Variants in GGT7 observed in about 807,000 individuals in gnomAD.
GGT7 encodes gamma-glutamyltransferase 7, also known as glutathione hydrolase 7.
In GGT7, 30 loss-of-function variants were observed where a neutral mutation model predicts 69.2. The ratio of observed to expected loss-of-function variants is 0.43; its 90% CI spans 0.32 to 0.59. GGT7 has a LOEUF of 0.59. Among genes scored for constraint, GGT7 ranks in the 20% least tolerant of loss-of-function variants. GGT7 has a pLI of 0.05. For missense variants in GGT7, 733 were observed against 901.1 expected (o/e 0.81, Z 2.39); for synonymous variants, 388 against 391.8 (o/e 0.99, Z 0.12).
At chr20:34,861,757 T>C (rs78741118) in intron 3 of GGT7, among the ~76,000 whole-genome samples, 195 bp from the exon 4 acceptor site, 2,624 of 152,034 alleles carry the variant, frequency 0.017, 90 homozygotes, top group African/African-American at 0.06. Flanking sequence ...ACCAAGAGGG[T>C]TGGAGACCCA....
chr20:34,861,661 T>C (rs1485688294), intron 3 of GGT7, 99 bp from the exon 4 acceptor site: 2 of 691,990 alleles, frequency 2.9e-6, no homozygotes, highest in Admixed American at 3.1e-5. Flanking sequence ...AGCTGTAGGC[T>C]CAGTTTTTCA....
chr20:34,854,544 C>T lies in GGT7; in HGVS notation c.1306G>A (p.Asp436Asn), dbSNP rs757565614. ...CCCAAGACCCACCTGAGCATGTCAT[C>T]CATGCTCTCAGTGATGGTAGAATCA... ...VYDSTITESM[D>N]DMLSKVEAAY... Residue 436 changes from aspartate (D) to asparagine (N), a missense_variant, in exon 10 of 15, where the codon GAT becomes AAT. Coordinates refer to ENST00000336431, the MANE Select transcript of GGT7 (RefSeq NM_178026.3). The T allele has an allele frequency of 6.2e-7, 1 of 1,600,782 alleles. No homozygotes were observed. Among genetic ancestry groups the T allele is most frequent in the Non-Finnish European group, 8.6e-7 (1 of 1,168,042 alleles).
chr20:34,850,992 A>G (rs1437800455), intron 13 of GGT7: 2 of 675,180 alleles, frequency 3.0e-6, no homozygotes, highest in African/African-American at 3.6e-5. Context: ...TTTTCAATCT[A>G]CTGACCCTGC....
intron 14 of GGT7, among the ~76,000 whole-genome samples, chr20:34,848,028 G>A (rs2079326802): frequency 6.6e-6 from 1 of 152,222 alleles, no homozygotes; most frequent in African/African-American, 2.4e-5. Context: ...AGGAGGTGGA[G>A]GTTGAAGTGA....
chr20:34,848,665 G>C (rs2079337439), intron 14 of GGT7, among the ~76,000 whole-genome samples: 1 of 152,252 alleles, frequency 6.6e-6, no homozygotes, highest in Non-Finnish European at 1.5e-5. Flanking sequence ...GAGATATCAA[G>C]AGCTGTGCAG....
At chr20:34,853,541 G>A (rs1601223666) in intron 10 of GGT7, among the ~76,000 whole-genome samples, 1 of 142,754 alleles carries the variant, frequency 7.0e-6, no homozygotes. Flanking sequence ...CAGCCTGGGC[G>A]ACAGAGCGAG....
At chr20:34,850,850 G>A (rs773248341) in intron 13 of GGT7, 2 of 554,014 alleles carry the variant, frequency 3.6e-6, no homozygotes, top group South Asian at 2.8e-5. Context: ...ATTCTGAGGT[G>A]TTCTGGAGAA....
intron 10 of GGT7, 51 bp from the exon 11 acceptor site, chr20:34,852,589 C>A (rs769963878): frequency 6.7e-7 from 1 of 1,498,664 alleles, no homozygotes; most frequent in South Asian, 1.3e-5. Context: ...CTCAATACAC[C>A]CCACCTACCT....
In GGT7 at chr20:34,856,824, C is replaced by T; in HGVS notation, c.1084G>A (p.Val362Met). 6.2e-7 allele frequency: 1 copy of T among 1,608,630 alleles called. No individual in the cohort carries two copies. The highest frequency in any genetic ancestry group is 8.5e-7 in the Non-Finnish European group (1 of 1,175,564). The change falls in exon 8 of 15, where the codon GTG (valine) becomes ATG (methionine). Residue 362 changes from valine (V) to methionine (M), a missense_variant. Coordinates refer to ENST00000336431, the MANE Select transcript of GGT7 (RefSeq NM_178026.3). ...AGGTCACCTCTGTACACGCCACACA[C>T]AGGCTTCTCCACAAGGGCGCTGTAA... ...SNYSALVEKP[V>M]CGVYRGHLVL...
Position 34,852,196 on chromosome 20 carries a change from A to C in GGT7, c.1546T>G (p.Ser516Ala). 6.2e-7 allele frequency: 1 copy of C among 1,613,880 alleles called. No homozygotes were observed. Among genetic ancestry groups the C allele is most frequent in the South Asian group, 1.1e-5 (1 of 91,072 alleles). ...TGGTTAGCTGTCCGGTTGGGCCAGG[A>C]GAAGTCCAGCATCTGGCTGTTGAGC... ...ILLNSQMLDF[S>A]WPNRTANHSA... The change falls in exon 12 of 15, where the codon TCC becomes GCC. Residue 516 changes from serine (S) to alanine (A), a missense_variant. Coordinates refer to ENST00000336431, the MANE Select transcript of GGT7 (RefSeq NM_178026.3).
chr20:34,854,684 C>T (rs763548280), intron 9 of GGT7, 65 bp from the exon 10 acceptor site: 46 of 1,579,680 alleles, frequency 2.9e-5, no homozygotes, highest in Non-Finnish European at 3.8e-5. Flanking sequence ...ACCCAGTGGA[C>T]TTTCGTGTGT....
intron 1 of GGT7, among the ~76,000 whole-genome samples, chr20:34,866,199 T>G (rs1029653153): frequency 2.6e-5 from 4 of 152,222 alleles, no homozygotes; most frequent in African/African-American, 9.6e-5. Context: ...AAGTTACTCT[T>G]GGGAAAGGAT....
At position 34,845,921 on chromosome 20, in the gene GGT7, G is replaced by A. The variant is rs138724435; in HGVS notation, c.1826-430C>T. The stretch of plus-strand genomic sequence containing the variant: ...CAGAAAATTTAAAAATTAGCTGAGC[G>A]TGGTGGTACATGCCTGTAGTCCCAG... On this transcript the variant is annotated intron_variant, in intron 14 of 14. Transcript: ENST00000336431. Among the ~76,000 whole-genome samples, 734 of 152,152 alleles carry A rather than the reference G, an allele frequency of 4.8e-3. 2 individuals carry two copies. Among genetic ancestry groups the A allele is most frequent in the South Asian group, 0.012 (59 of 4,812 alleles).
In GGT7 at chr20:34,849,969, T is replaced by C. The variant is rs1432442003; in HGVS notation, c.1817A>G (p.Gln606Arg). 1.2e-6 allele frequency: 2 copies of C among 1,605,256 alleles called. No individual in the cohort carries two copies. Among genetic ancestry groups the C allele is most frequent in the Admixed American group, 3.3e-5 (2 of 59,994 alleles). Residue 606 changes from glutamine to arginine, a missense_variant, in exon 14 of 15, where the codon CAG becomes CGG. By Grantham distance (43) the Gln-to-Arg change is conservative (BLOSUM62 1). Coordinates refer to ENST00000336431, the MANE Select transcript of GGT7 (RefSeq NM_178026.3). ...LHPDLQSNLLQVDSEFTEEEI... is the reference protein window; with the variant it reads ...LHPDLQSNLLRVDSEFTEEEI... Reference sequence around the variant, plus strand: ...CTCTGCTCTGCACTCACTGTCCACCTGCAGGAGGTTGGACTGCAGGTCCGG... The same window carrying C: ...CTCTGCTCTGCACTCACTGTCCACCCGCAGGAGGTTGGACTGCAGGTCCGG...
intron 8 of GGT7, among the ~76,000 whole-genome samples, chr20:34,855,777 C>CT (rs546145245): frequency 7.7e-4 from 66 of 85,870 alleles, no homozygotes; most frequent in African/African-American, 3.5e-3. Context: ...TACGCTTGTT[C>CT]TTTTTTCTTT....
chr20:34,845,118 C>CCACCACCACCACCACCAT lies in GGT7; in HGVS notation c.*209_*210insATGGTGGTGGTGGTGGTG. On this transcript the variant is annotated 3_prime_UTR_variant, in exon 15 of 15. Transcript: ENST00000336431. ...GTACTGTAGATGCTGACACTCACCA[C>CCACCACCACCACCACCAT]CACCACCACCACCACCACCACCACC... 1 of 406,708 alleles carries CCACCACCACCACCACCAT rather than the reference C, an allele frequency of 2.5e-6. No homozygotes were observed. Among genetic ancestry groups the CCACCACCACCACCACCAT allele is most frequent in the South Asian group, 2.5e-5 (1 of 40,708 alleles). The allele number at this position is 406,708 out of a possible 1,614,324, so 25.2% of individuals were successfully genotyped here.
chr20:34,870,102 G>C (rs2079756243), intron 1 of GGT7, among the ~76,000 whole-genome samples: 1 of 152,186 alleles, frequency 6.6e-6, no homozygotes, highest in African/African-American at 2.4e-5. Context: ...TGAGAACACA[G>C]GAGGCCATGT....
intron 7 of GGT7, among the ~76,000 whole-genome samples, chr20:34,859,060 C>G (rs1248698817): frequency 6.6e-6 from 1 of 152,000 alleles, no homozygotes; most frequent in Admixed American, 6.6e-5. Context: ...ATCCCAGTTA[C>G]TCGGGAGGCT....
At chr20:34,848,390 A>C (rs1334009913) in intron 14 of GGT7, among the ~76,000 whole-genome samples, 1 of 152,192 alleles carries the variant, frequency 6.6e-6, no homozygotes, top group Non-Finnish European at 1.5e-5. Context: ...CCAGGGCCTC[A>C]GGTAGATGAA....
Sources: allele counts gnomAD v4.1 joint callset (sites outside exome capture counted in the v4.1 genomes callset), GRCh38; gene constraint gnomAD v4.1.1; transcripts MANE v1.5; gene names NCBI Gene and HGNC (gene_info 2026-07-23, HGNC 2026-07-21).